ACSF3: variants seen among roughly 807,000 people sequenced by gnomAD.
ACSF3 encodes acyl-CoA synthetase family member 3.
Under a neutral mutation model 53.2 loss-of-function variants are expected in ACSF3, and 78 were observed. That is an observed-to-expected ratio of 1.47 (90% CI 1.22 to 1.77). The LOEUF (loss-of-function observed/expected upper bound fraction) is 1.77. Among genes scored for constraint, ACSF3 ranks in the 40% most tolerant of loss-of-function variants. The pLI is 0.00. For synonymous variants in ACSF3, 414 were observed against 333.1 expected, an observed-to-expected ratio of 1.24 and a Z score of -2.65; for missense variants, 937 against 771.1, an observed-to-expected ratio of 1.22 and a Z score of -2.55.
In ACSF3 at chr16:89,112,201, C is replaced by T. The variant is rs758552654; in HGVS notation, c.932C>T (p.Pro311Leu). 6.8e-6 allele frequency: 11 copies of T among 1,613,562 alleles called. No homozygotes were observed. Among genetic ancestry groups the T allele is most frequent in the East Asian group, 2.2e-5 (1 of 44,882 alleles). Residue 311 changes from proline (P) to leucine (L), a missense_variant, in exon 5 of 11, where the codon CCG (proline) becomes CTG (leucine). Pro to Leu is a moderately conservative substitution (Grantham distance 98). Transcript: ENST00000614302. The stretch of plus-strand genomic sequence containing the variant: ...TACTACGACAGGCATTTTACCCAGC[C>T]GCACGCCCAGGATTTCTTGCGTGCA... ...MEYYDRHFTQPHAQDFLRAVC... is the reference protein window; with the variant it reads ...MEYYDRHFTQLHAQDFLRAVC...
At position 89,098,597 on chromosome 16, in the gene ACSF3, C is replaced by T. The variant is rs577925407; in HGVS notation, c.-187C>T. 239 of 452,164 alleles carry T rather than the reference C, an allele frequency of 5.3e-4. 2 individuals are homozygous for T. The highest frequency in any genetic ancestry group is 9.1e-4 in the Non-Finnish European group (204 of 225,116). 28.0% of individuals were successfully genotyped at this position (452,164 alleles called of 1,614,324 possible). On this transcript the variant is annotated 5_prime_UTR_variant, in exon 2 of 11. Transcript: ENST00000614302. ...CACAGATGCCCGTTGACAGGTGTCCCACCGGCCTTCCGGGTTCCAGCGCCA... is the reference window on the plus strand; with the variant it reads ...CACAGATGCCCGTTGACAGGTGTCCTACCGGCCTTCCGGGTTCCAGCGCCA...
chr16:89,145,924 T>A lies in ACSF3; in HGVS notation c.1502-14T>A. On this transcript the variant is annotated splice_polypyrimidine_tract_variant and intron_variant, in intron 9 of 10. Transcript: ENST00000614302. The stretch of plus-strand genomic sequence containing the variant: ...AGGCATCCCCATGTTCTCAAACTGT[T>A]CTTCTATCCGCAGATGTGGCTGTGA... 1 of 1,606,850 alleles carries A rather than the reference T, an allele frequency of 6.2e-7. No homozygotes were observed. Among genetic ancestry groups the A allele is most frequent in the Non-Finnish European group, 8.5e-7 (1 of 1,177,120 alleles).
At chr16:89,107,237 A>G (rs1976100386) in intron 4 of ACSF3, among the ~76,000 whole-genome samples, 1 of 152,210 alleles carries the variant, frequency 6.6e-6, no homozygotes, top group Non-Finnish European at 1.5e-5. Flanking sequence ...CTCGGCTCTC[A>G]GTGCCCTTCT....
intron 7 of ACSF3, among the ~76,000 whole-genome samples, chr16:89,125,285 C>A (rs1444090322): frequency 6.7e-6 from 1 of 149,552 alleles, no homozygotes; most frequent in African/African-American, 2.5e-5. Context: ...GGAGTTTGCA[C>A]TGAGCCGAGA....
chr16:89,102,396 C>G (rs1429296790), intron 3 of ACSF3: 1 of 641,546 alleles, frequency 1.6e-6, no homozygotes, highest in African/African-American at 1.8e-5. Context: ...TCCTCTGTCC[C>G]CAGGGTAAGT....
At chr16:89,112,068 C>G in intron 4 of ACSF3, 24 bp from the exon 5 acceptor site, 1 of 1,614,054 alleles carries the variant, frequency 6.2e-7, no homozygotes, top group Non-Finnish European at 8.5e-7. Flanking sequence ...CATCTTCCTA[C>G]CGAGTGCTTC....
chr16:89,102,603 G>T lies in ACSF3; in HGVS notation c.667-1G>T. On this transcript the variant is annotated splice_acceptor_variant, in intron 3 of 10. Transcript: ENST00000614302. LOFTEE classifies it high-confidence loss of function. ...CTCAGCTGTGCTCTCGTCCCCTGCA[G>T]GTGACCGGGCTGGTCCACAAGTGGG... The T allele has an allele frequency of 6.2e-7, 1 of 1,613,662 alleles. No individual in the cohort carries two copies. The highest frequency in any genetic ancestry group is 8.5e-7 in the Non-Finnish European group (1 of 1,180,036).
intron 7 of ACSF3, among the ~76,000 whole-genome samples, chr16:89,121,151 G>A (rs1906556829): frequency 6.6e-6 from 1 of 152,264 alleles, no homozygotes; most frequent in African/African-American, 2.4e-5. Context: ...GCCCAGGGCG[G>A]AACGCCAAAG....
At chr16:89,102,872 C>T in intron 4 of ACSF3, 113 bp downstream of exon 4, 1 of 1,475,692 alleles carries the variant, frequency 6.8e-7, no homozygotes, top group Non-Finnish European at 9.2e-7. Flanking sequence ...TGGTTGGGGT[C>T]AGGGCTCTCG....
At chr16:89,117,948 ACAG>A (rs1567708236) in intron 6 of ACSF3, among the ~76,000 whole-genome samples, 11 of 118,702 alleles carry the variant, frequency 9.3e-5, no homozygotes, top group African/African-American at 3.3e-4. Flanking sequence ...GGCAGAGCCC[ACAG>A]TAGGTTCCCT....
At chr16:89,109,240 AAAAAAAAAAAG>A (rs895745331) in intron 4 of ACSF3, among the ~76,000 whole-genome samples, 1 of 148,820 alleles carries the variant, frequency 6.7e-6, no homozygotes, top group African/African-American at 2.5e-5. Flanking sequence ...AAAAAAAAAA[AAAAAAAAAAAG>A]AAAAGAAAAG....
intron 10 of ACSF3, among the ~76,000 whole-genome samples, chr16:89,146,603 A>G (rs1913007475): frequency 6.6e-6 from 1 of 152,084 alleles, no homozygotes; most frequent in African/African-American, 2.4e-5. Context: ...AGTCAGTTCC[A>G]CGGAGACCCC....
chr16:89,098,481 T>C (rs1296549204), intron 1 of ACSF3, 110 bp from the exon 2 acceptor site: 1 of 364,194 alleles, frequency 2.7e-6, no homozygotes, highest in African/African-American at 2.1e-5. Flanking sequence ...AATGTTGTCT[T>C]TAGCTTGTAA....
At chr16:89,132,567 C>T (rs1171157796) in intron 7 of ACSF3, among the ~76,000 whole-genome samples, 1 of 152,226 alleles carries the variant, frequency 6.6e-6, no homozygotes, top group Non-Finnish European at 1.5e-5. Context: ...ACAGGGGCCT[C>T]CAGGGACCCT....
chr16:89,133,174 G>T lies in ACSF3; in HGVS notation c.1278G>T (p.Leu426=), dbSNP rs750555101. The change falls in exon 8 of 11, where the codon CTG becomes CTT. Residue 426 remains leucine (L), a synonymous_variant. Transcript: ENST00000614302. ...TTGAAGAAAAGGAGGGGGAGCTGCTGGTGAGGGGACCCTCCGTGTTTCGAG... is the reference window on the plus strand; with the variant it reads ...TTGAAGAAAAGGAGGGGGAGCTGCTTGTGAGGGGACCCTCCGTGTTTCGAG... ...PGFEEKEGEL[L]VRGPSVFREY... is the part of the protein sequence containing the mutation. 6.2e-7 allele frequency: 1 copy of T among 1,614,084 alleles called. No individual in the cohort carries two copies. Among genetic ancestry groups the T allele is most frequent in the African/African-American group, 1.3e-5 (1 of 75,034 alleles).
chr16:89,096,080 G>A (rs1223512054), intron 1 of ACSF3, among the ~76,000 whole-genome samples: 1 of 152,098 alleles, frequency 6.6e-6, no homozygotes, highest in East Asian at 1.9e-4. Flanking sequence ...GGGCTGGAGA[G>A]CCACTGTTTT....
intron 8 of ACSF3, among the ~76,000 whole-genome samples, chr16:89,144,387 G>A (rs952926888): frequency 3.9e-5 from 6 of 152,238 alleles, no homozygotes; most frequent in Non-Finnish European, 5.9e-5. Flanking sequence ...GTCAGGTGTG[G>A]AGGGCACAAG....
At chr16:89,096,820 C>T (rs368319686) in intron 1 of ACSF3, among the ~76,000 whole-genome samples, 1 of 152,192 alleles carries the variant, frequency 6.6e-6, no homozygotes, top group Admixed American at 6.5e-5. Flanking sequence ...TCCTCCTGCC[C>T]GTGGCCTCTC....
chr16:89,120,958 C>T (rs370996658), intron 7 of ACSF3, 45 bp downstream of exon 7: 1 of 1,564,446 alleles, frequency 6.4e-7, no homozygotes, highest in South Asian at 1.1e-5. Context: ...TGTGTCCAGT[C>T]TAGGCCCCCC....
Sources: allele counts gnomAD v4.1 joint callset (sites outside exome capture counted in the v4.1 genomes callset), GRCh38; gene constraint gnomAD v4.1.1; transcripts MANE v1.5; gene names NCBI Gene and HGNC (gene_info 2026-07-23, HGNC 2026-07-21).